The following DCC variants were observed in gnomAD, a reference collection of about 807,000 sequenced individuals.
The protein encoded by DCC is DCC netrin 1 receptor.
In DCC, 58 loss-of-function variants were observed where a neutral mutation model predicts 172.5. The ratio of observed to expected loss-of-function variants is 0.34; its 90% CI spans 0.27 to 0.42. The LOEUF (loss-of-function observed/expected upper bound fraction) is 0.42. Among genes scored for constraint, DCC ranks in the 10% least tolerant of loss-of-function variants. The pLI is 1.00. For synonymous variants in DCC, 709 were observed against 644.5 expected, an observed-to-expected ratio of 1.10 and a Z score of -1.52; for missense variants, 1,740 against 1,791.0, an observed-to-expected ratio of 0.97 and a Z score of 0.51.
chr18:52,509,298 A>G (rs1342381396), intron 1 of DCC, among the ~76,000 whole-genome samples: 1 of 152,210 alleles, frequency 6.6e-6, no homozygotes, highest in Non-Finnish European at 1.5e-5. Context: ...TTGATAATTT[A>G]GGTTAAAATA....
chr18:52,788,976 G>C (rs1225076141), intron 2 of DCC, among the ~76,000 whole-genome samples: 2 of 152,082 alleles, frequency 1.3e-5, no homozygotes, highest in African/African-American at 2.4e-5. Flanking sequence ...CTTATCTCTT[G>C]GGGGAGTGGG....
intron 5 of DCC, among the ~76,000 whole-genome samples, chr18:53,013,223 T>C (rs1334589313): frequency 6.6e-6 from 1 of 151,964 alleles, no homozygotes; most frequent in Non-Finnish European, 1.5e-5. Flanking sequence ...CAAAGGATTA[T>C]AAATCTATAA....
chr18:53,054,510 G>T (rs1286658024), intron 5 of DCC, among the ~76,000 whole-genome samples: 1 of 152,014 alleles, frequency 6.6e-6, no homozygotes, highest in East Asian at 1.9e-4. Flanking sequence ...TATAGAATTT[G>T]GACCCAGAGA....
chr18:53,154,674 A>G (rs928546640), intron 7 of DCC, among the ~76,000 whole-genome samples: 9 of 152,114 alleles, frequency 5.9e-5, no homozygotes, highest in African/African-American at 2.2e-4. Context: ...GATTAATGAG[A>G]TGTTCAGGAG....
intron 21 of DCC, among the ~76,000 whole-genome samples, chr18:53,428,536 TTA>T (rs1388993274): frequency 0.19 from 5,019 of 27,084 alleles, 1,147 homozygotes; most frequent in African/African-American, 0.39. Context: ...TTTATGTATT[TTA>T]TATATATATA....
At chr18:53,495,845 C>T (rs2046015907) in intron 26 of DCC, among the ~76,000 whole-genome samples, 1 of 152,118 alleles carries the variant, frequency 6.6e-6, no homozygotes, top group Admixed American at 6.6e-5. Context: ...AATCCTCTCA[C>T]TTTATTTCAT....
At chr18:53,116,651 G>A (rs2043413223) in intron 7 of DCC, among the ~76,000 whole-genome samples, 1 of 151,576 alleles carries the variant, frequency 6.6e-6, no homozygotes, top group Non-Finnish European at 1.5e-5. Flanking sequence ...TTTCAGATCA[G>A]GAATTATTAA....
At chr18:52,373,888 A>ATTTTTTTTTTTTTTTTTTTTTTTTTTT (rs1296846491) in intron 1 of DCC, among the ~76,000 whole-genome samples, 2 of 127,322 alleles carry the variant, frequency 1.6e-5, no homozygotes, top group African/African-American at 6.0e-5. Flanking sequence ...TGGTTGCATC[A>ATTTTTTTTTTTTTTTTTTTTTTTTTTT]TTTTTTTTTT....
At chr18:53,319,277 G>A (rs1436560410) in intron 13 of DCC, among the ~76,000 whole-genome samples, 1 of 152,160 alleles carries the variant, frequency 6.6e-6, no homozygotes, top group Non-Finnish European at 1.5e-5. Flanking sequence ...AACCTTTAAT[G>A]TAAGTAGGCT....
At chr18:53,154,174 C>T (rs1329648799) in intron 7 of DCC, among the ~76,000 whole-genome samples, 2 of 152,266 alleles carry the variant, frequency 1.3e-5, no homozygotes, top group East Asian at 1.9e-4. Flanking sequence ...GGATGAATAA[C>T]TCTGAGGCAT....
chr18:52,432,739 T>G (rs926337381), intron 1 of DCC, among the ~76,000 whole-genome samples: 2 of 152,220 alleles, frequency 1.3e-5, no homozygotes, highest in African/African-American at 4.8e-5. Flanking sequence ...TTAAATACAC[T>G]ATCACTCTTT....
At chr18:53,329,339 CTTATTA>C (rs1009397335) in intron 14 of DCC, among the ~76,000 whole-genome samples, 1 of 151,884 alleles carries the variant, frequency 6.6e-6, no homozygotes, top group African/African-American at 2.4e-5. Flanking sequence ...GGAAAGAAAT[CTTATTA>C]TTATAAATGG....
intron 15 of DCC, among the ~76,000 whole-genome samples, chr18:53,351,468 ATATATATATATATATATATATAGTGTG>A (rs2057811280): frequency 1.7e-4 from 5 of 28,638 alleles, no homozygotes; most frequent in African/African-American, 7.6e-4. Context: ...CACAGTGTGT[ATATATATATATATATATATATAGTGTG>A]TATATATATA....
rs541707808 is a variant in DCC at position 53,523,666 on chromosome 18, C to CCAAA, written c.4112-2948_4112-2945dup. 1.9e-3 allele frequency among the ~76,000 whole-genome samples: 296 copies of CCAAA among 152,168 alleles called. 1 individual carries two copies. Among genetic ancestry groups the CCAAA allele is most frequent in the African/African-American group, 6.8e-3 (281 of 41,516 alleles). The stretch of plus-strand genomic sequence containing the variant: ...AGCAAACTAACACAAGAACAGAAAA[C>CCAAA]CAAACACCGCATGTTCTCACACATA... On this transcript the variant is annotated intron_variant, in intron 27 of 28. Coordinates refer to ENST00000442544, the MANE Select transcript of DCC (RefSeq NM_005215.4).
intron 1 of DCC, among the ~76,000 whole-genome samples, chr18:52,560,203 G>A (rs2144738232): frequency 6.6e-6 from 1 of 152,274 alleles, no homozygotes; most frequent in East Asian, 1.9e-4. Flanking sequence ...CTACTCAGTG[G>A]TGCCTCTGTC....
intron 2 of DCC, among the ~76,000 whole-genome samples, chr18:52,824,552 G>T (rs545986735): frequency 1.2e-3 from 181 of 152,208 alleles, no homozygotes; most frequent in African/African-American, 4.0e-3. Context: ...AAAAATTAGA[G>T]AATTTCTCTA....
intron 25 of DCC, among the ~76,000 whole-genome samples, chr18:53,468,482 A>G (rs371082779): frequency 6.6e-6 from 1 of 151,838 alleles, no homozygotes; most frequent in East Asian, 1.9e-4. Context: ...TCCCAGGTTC[A>G]AGCGATTCTC....
intron 15 of DCC, among the ~76,000 whole-genome samples, chr18:53,369,091 T>A (rs998970707): frequency 6.6e-6 from 1 of 152,022 alleles, no homozygotes; most frequent in African/African-American, 2.4e-5. Flanking sequence ...TTTCTATATA[T>A]TTAAAGTCTT....
At chr18:52,554,787 A>T (rs2032868168) in intron 1 of DCC, among the ~76,000 whole-genome samples, 1 of 152,080 alleles carries the variant, frequency 6.6e-6, no homozygotes, top group Non-Finnish European at 1.5e-5. Context: ...CAGGATGGTG[A>T]AGTAACTTAG....
Sources: gnomAD v4.1 joint callset for allele counts (sites outside exome capture counted in the v4.1 genomes callset) on GRCh38, gnomAD v4.1.1 for gene constraint, MANE v1.5 for transcripts, NCBI Gene and HGNC (gene_info 2026-07-23, HGNC 2026-07-21) for gene names.